Variants in SHISA9 observed in about 807,000 individuals in gnomAD.
SHISA9 encodes shisa family member 9.
SHISA9 carries 13 observed loss-of-function variants against 38.0 expected under a neutral mutation model. The observed-to-expected ratio is 0.34, with a 90% CI of 0.22 to 0.54. The LOEUF is 0.54. SHISA9 is among the 20% of genes least tolerant of loss of function. The pLI, the probability that SHISA9 is intolerant of heterozygous loss-of-function variation, is 0.91. For missense variants in SHISA9, 538 were observed against 575.8 expected (o/e 0.93, Z 0.67); for synonymous variants, 275 against 242.0 (o/e 1.14, Z -1.27).
the SHISA9 span, among the ~76,000 whole-genome samples, chr16:13,315,064 G>T: frequency 1.5e-5 from 2 of 136,252 alleles, no homozygotes; most frequent in Non-Finnish European, 3.3e-5. Flanking sequence ...AATGATCTGT[G>T]TGTGCACCCT....
At chr16:13,214,746 C>T (rs796559606) in intron 4 of SHISA9, among the ~76,000 whole-genome samples, 4 of 152,106 alleles carry the variant, frequency 2.6e-5, no homozygotes, top group African/African-American at 9.7e-5. Context: ...AAAGGGAGAG[C>T]TTGTGCGGAG....
intron 2 of SHISA9, among the ~76,000 whole-genome samples, chr16:12,972,041 T>TTGTGTGTGTGTA (rs2072090853): frequency 7.0e-6 from 1 of 141,948 alleles, no homozygotes; most frequent in African/African-American, 2.6e-5. Flanking sequence ...CTCTTGGAGT[T>TTGTGTGTGTGTA]TGTGTGTGTG....
At chr16:13,040,356 T>TTACCACTGCTGG (rs1295760070) in intron 2 of SHISA9, among the ~76,000 whole-genome samples, 1 of 152,226 alleles carries the variant, frequency 6.6e-6, no homozygotes, top group Non-Finnish European at 1.5e-5. Flanking sequence ...GCACTGGCTG[T>TTACCACTGCTGG]TACCACTGCT....
chr16:13,302,269 AG>A, the SHISA9 span, among the ~76,000 whole-genome samples: 1 of 152,192 alleles, frequency 6.6e-6, no homozygotes, highest in Admixed American at 6.5e-5. Flanking sequence ...TAGATAGTAA[AG>A]AAAGCCCATA....
chr16:13,420,290 G>T, the SHISA9 span, among the ~76,000 whole-genome samples: 11 of 138,962 alleles, frequency 7.9e-5, no homozygotes, highest in African/African-American at 2.9e-4. Flanking sequence ...TTGCTCAGCA[G>T]GCGTTTACTG....
At chr16:13,368,124 A>G in the SHISA9 span, among the ~76,000 whole-genome samples, 7 of 152,150 alleles carry the variant, frequency 4.6e-5, no homozygotes, top group African/African-American at 1.4e-4. Flanking sequence ...AGGTCAATCA[A>G]CCAGCCCTTA....
chr16:13,378,658 C>G, the SHISA9 span, among the ~76,000 whole-genome samples: 1 of 152,160 alleles, frequency 6.6e-6, no homozygotes, highest in Admixed American at 6.5e-5. Flanking sequence ...CTATCTTTCT[C>G]CTCTTCTAGG....
At chr16:13,443,114 A>T in the SHISA9 span, among the ~76,000 whole-genome samples, 1 of 152,304 alleles carries the variant, frequency 6.6e-6, no homozygotes. Flanking sequence ...TTGAGACAAC[A>T]TACTGTTTTT....
At chr16:13,017,208 T>TG (rs771550429) in intron 2 of SHISA9, among the ~76,000 whole-genome samples, 1 of 151,862 alleles carries the variant, frequency 6.6e-6, no homozygotes, top group Non-Finnish European at 1.5e-5. Flanking sequence ...TCAGTAGAGA[T>TG]GGGGTTTCAC....
At chr16:12,980,743 AT>A (rs909011802) in intron 2 of SHISA9, among the ~76,000 whole-genome samples, 1 of 148,774 alleles carries the variant, frequency 6.7e-6, no homozygotes, top group African/African-American at 2.5e-5. Flanking sequence ...TTTTTTTTCT[AT>A]TTTTTTAGTC....
intron 4 of SHISA9, among the ~76,000 whole-genome samples, chr16:13,232,474 A>G (rs1257624055): frequency 1.3e-5 from 2 of 152,206 alleles, no homozygotes; most frequent in Non-Finnish European, 2.9e-5. Flanking sequence ...AGTGTTGATG[A>G]AAAAGGTCAA....
At chr16:13,306,264 T>G in the SHISA9 span, among the ~76,000 whole-genome samples, 1 of 152,152 alleles carries the variant, frequency 6.6e-6, no homozygotes, top group Non-Finnish European at 1.5e-5. Context: ...CAGGAAAAAG[T>G]CAAAGATGAC....
chr16:13,222,038 A>G (rs1010860551), intron 4 of SHISA9, among the ~76,000 whole-genome samples: 3 of 152,184 alleles, frequency 2.0e-5, no homozygotes, highest in Non-Finnish European at 4.4e-5. Flanking sequence ...GCCAAGGGGA[A>G]GCAAAACACG....
rs990996912 is a variant in SHISA9, at chr16:13,238,028, T to C, written c.*2619T>C. ...CATAAATAGAAAGCAAACATAAAAA[T>C]AAGTACAAAGGAAACAAGCAGCGAT... is the stretch of plus-strand genomic sequence containing the variant. On this transcript the variant is annotated 3_prime_UTR_variant, in exon 5 of 5. Coordinates refer to ENST00000558583, the MANE Select transcript of SHISA9 (RefSeq NM_001145204.3). The C allele has an allele frequency of 6.6e-6, 1 of 152,094 alleles. No homozygotes were observed. The highest frequency in any genetic ancestry group is 1.5e-5 in the Non-Finnish European group (1 of 67,998). 9.4% of individuals were successfully genotyped at this position (152,094 alleles called of 1,614,324 possible).
rs547371440 is a variant in SHISA9, at chr16:13,030,169, G to A, written c.691+113354G>A. Among the ~76,000 whole-genome samples, 717 of 152,082 alleles carry A rather than the reference G, an allele frequency of 4.7e-3. 2 individuals carry two copies. Among genetic ancestry groups the A allele is most frequent in the Non-Finnish European group, 8.1e-3 (547 of 67,938 alleles). On this transcript the variant is annotated intron_variant, in intron 2 of 4. Transcript: ENST00000558583. ...AGCCAGGTGTAGCAGGTGTATTGGC[G>A]CCATGTCCACATCTCCTTGGTACCT...
At chr16:12,970,074 T>A (rs1327954999) in intron 2 of SHISA9, among the ~76,000 whole-genome samples, 1 of 151,572 alleles carries the variant, frequency 6.6e-6, no homozygotes, top group African/African-American at 2.4e-5. Flanking sequence ...TGTGAATAAA[T>A]GGGCTTTATT....
At chr16:13,544,534 C>T in the SHISA9 span, among the ~76,000 whole-genome samples, 1 of 147,852 alleles carries the variant, frequency 6.8e-6, no homozygotes. Flanking sequence ...CCAGAAGCAA[C>T]CTTGGCTGAT....
At chr16:13,450,008 T>G in the SHISA9 span, among the ~76,000 whole-genome samples, 1 of 152,048 alleles carries the variant, frequency 6.6e-6, no homozygotes, top group Non-Finnish European at 1.5e-5. Flanking sequence ...TCCCAGCTAC[T>G]CGGGAGGCTG....
chr16:13,291,613 T>C, the SHISA9 span, among the ~76,000 whole-genome samples: 1 of 152,224 alleles, frequency 6.6e-6, no homozygotes, highest in African/African-American at 2.4e-5. Context: ...TGTGATCACA[T>C]ATATGCATGC....
Sources: allele counts gnomAD v4.1 joint callset (sites outside exome capture counted in the v4.1 genomes callset), GRCh38; gene constraint gnomAD v4.1.1; transcripts MANE v1.5; gene names NCBI Gene and HGNC (gene_info 2026-07-23, HGNC 2026-07-21).